Variants in TRIM44 observed in about 807,000 individuals in gnomAD.
The protein encoded by TRIM44 is tripartite motif containing 44, also known as tripartite motif-containing protein 44.
A neutral mutation model predicts 37.4 loss-of-function variants in TRIM44; 13 were observed. The ratio of observed to expected loss-of-function variants is 0.35; its 90% CI spans 0.23 to 0.55. The LOEUF (loss-of-function observed/expected upper bound fraction) is 0.55. Ranked by LOEUF, TRIM44 falls within the 20% of genes least tolerant of loss-of-function variation. The probability of loss-of-function intolerance (pLI) is 0.89; values close to 1 mark genes in which losing one functional copy is unlikely to be tolerated. For synonymous variants in TRIM44, 175 were observed against 157.2 expected (o/e 1.11, Z -0.85); for missense variants, 426 against 437.2 (o/e 0.97, Z 0.23).
intron 2 of TRIM44, among the ~76,000 whole-genome samples, chr11:35,710,457 T>C (rs1001464152): frequency 2.0e-5 from 3 of 152,074 alleles, no homozygotes; most frequent in African/African-American, 7.3e-5. Context: ...GAAAAACAAG[T>C]TTATTAACAT....
chr11:35,723,337 G>T (rs1470938975), intron 2 of TRIM44, among the ~76,000 whole-genome samples: 1 of 152,112 alleles, frequency 6.6e-6, no homozygotes, highest in Non-Finnish European at 1.5e-5. Context: ...AAATTGCAGT[G>T]CTATGTTATA....
chr11:35,792,072 T>TACACAACACAC (rs147613844), intron 4 of TRIM44, among the ~76,000 whole-genome samples: 42 of 136,738 alleles, frequency 3.1e-4, no homozygotes, highest in East Asian at 4.4e-4. Flanking sequence ...GAGTTGCCCC[T>TACACAACACAC]ACACACACAC....
In TRIM44 at chr11:35,667,620, G is replaced by A. The variant is rs116239064; in HGVS notation, c.669+3840G>A. Among the ~76,000 whole-genome samples, 6 of 152,242 alleles carry A rather than the reference G, an allele frequency of 3.9e-5. No homozygotes were observed. The South Asian group carries it at 1.2e-3, about 32-fold the overall frequency. On this transcript the variant is annotated intron_variant, in intron 1 of 4. Transcript: ENST00000299413. ...ACTCCTAGCCTCAAGCAGTCCTCCC[G>A]CCTCAACCTCCTACAGCTGTGGGAT...
At chr11:35,663,911 C>T in intron 1 of TRIM44, 131 bp downstream of exon 1, 1 of 1,082,946 alleles carries the variant, frequency 9.2e-7, no homozygotes, top group Admixed American at 2.6e-5. Flanking sequence ...TTTTTGGGAG[C>T]AGTTCTTATT....
intron 1 of TRIM44, among the ~76,000 whole-genome samples, chr11:35,677,730 T>C (rs1019429331): frequency 2.0e-5 from 3 of 152,226 alleles, no homozygotes; most frequent in Non-Finnish European, 4.4e-5. Flanking sequence ...TGGAGTATTT[T>C]GGCCAGTAGG....
intron 1 of TRIM44, among the ~76,000 whole-genome samples, chr11:35,665,297 A>G (rs1010120504): frequency 4.2e-4 from 64 of 152,154 alleles, no homozygotes; most frequent in Non-Finnish European, 1.2e-4. Context: ...CAGTAATACT[A>G]CATGTTGCCA....
chr11:35,723,133 G>A (rs1344385942), intron 2 of TRIM44, among the ~76,000 whole-genome samples: 6 of 143,208 alleles, frequency 4.2e-5, no homozygotes, highest in South Asian at 2.2e-4. Flanking sequence ...TTCTTGTTTC[G>A]ACAGATTCTC....
At position 35,773,656 on chromosome 11, in the gene TRIM44, G is replaced by A. The variant is rs556834793; in HGVS notation, c.1008-32702G>A. On this transcript the variant is annotated intron_variant, in intron 4 of 4. Coordinates refer to ENST00000299413, the MANE Select transcript of TRIM44 (RefSeq NM_017583.6). ...CCCACAACAGGCCCCGGTGTGTGGT[G>A]TTCCCCACCCTGTGTCCAAGCATTC... is the stretch of plus-strand genomic sequence containing the variant. 3.9e-5 allele frequency among the ~76,000 whole-genome samples: 6 copies of A among 152,098 alleles called. No individual in the cohort carries two copies. In the East Asian group the frequency reaches 7.7e-4, roughly 20 times the overall value.
intron 2 of TRIM44, among the ~76,000 whole-genome samples, chr11:35,702,590 C>T (rs1004507395): frequency 4.6e-5 from 7 of 152,192 alleles, no homozygotes; most frequent in African/African-American, 1.7e-4. Flanking sequence ...AAGTAAGACC[C>T]TCCCTAAGGC....
intron 4 of TRIM44, among the ~76,000 whole-genome samples, chr11:35,791,889 A>C (rs1026832029): frequency 6.6e-6 from 1 of 152,226 alleles, no homozygotes; most frequent in Admixed American, 6.5e-5. Context: ...TTTGGGGCTC[A>C]GTCACTGTGA....
At chr11:35,786,736 A>G (rs1332154039) in intron 4 of TRIM44, among the ~76,000 whole-genome samples, 2 of 152,180 alleles carry the variant, frequency 1.3e-5, no homozygotes, top group Non-Finnish European at 2.9e-5. Flanking sequence ...ATGCATACTC[A>G]TTGAATAAAT....
At chr11:35,681,095 G>A (rs570441009) in intron 1 of TRIM44, among the ~76,000 whole-genome samples, 15 of 152,028 alleles carry the variant, frequency 9.9e-5, no homozygotes, top group African/African-American at 3.1e-4. Context: ...TGTGATTTTG[G>A]GGACATTGTT....
chr11:35,791,883 G>A (rs767282466), intron 4 of TRIM44, among the ~76,000 whole-genome samples: 6 of 152,102 alleles, frequency 3.9e-5, no homozygotes, highest in Non-Finnish European at 7.4e-5. Context: ...CATGTATTTG[G>A]GGCTCAGTCA....
At chr11:35,804,869 G>A (rs1157945796) in intron 4 of TRIM44, among the ~76,000 whole-genome samples, 1 of 152,186 alleles carries the variant, frequency 6.6e-6, no homozygotes, top group African/African-American at 2.4e-5. Context: ...TGCAGGACCT[G>A]TTTCTTGAAA....
chr11:35,685,204 GT>G, intron 1 of TRIM44, 54 bp from the exon 2 acceptor site: 6 of 1,456,362 alleles, frequency 4.1e-6, no homozygotes, highest in South Asian at 2.3e-5. Context: ...TGCTGTTTGT[GT>G]TTGAGAGAGC....
chr11:35,763,190 A>G (rs1056236291), intron 4 of TRIM44, among the ~76,000 whole-genome samples: 1 of 152,150 alleles, frequency 6.6e-6, no homozygotes, highest in African/African-American at 2.4e-5. Context: ...AAACCATGCA[A>G]TCCACCCTAG....
At chr11:35,709,479 T>C (rs140676999) in intron 2 of TRIM44, among the ~76,000 whole-genome samples, 4 of 152,166 alleles carry the variant, frequency 2.6e-5, no homozygotes, top group Non-Finnish European at 1.5e-5. Flanking sequence ...CCCTAAAATA[T>C]TACCATTTGC....
At chr11:35,676,165 C>T (rs1851457465) in intron 1 of TRIM44, among the ~76,000 whole-genome samples, 1 of 152,104 alleles carries the variant, frequency 6.6e-6, no homozygotes, top group Non-Finnish European at 1.5e-5. Flanking sequence ...AATTGTTTCT[C>T]CTTATTGAGT....
intron 1 of TRIM44, among the ~76,000 whole-genome samples, chr11:35,667,878 A>G (rs1057504323): frequency 9.2e-5 from 14 of 152,042 alleles, no homozygotes; most frequent in African/African-American, 3.4e-4. Flanking sequence ...TAATTTATGT[A>G]GTTTTTTTTC....
Sources: gnomAD v4.1 joint callset for allele counts (sites outside exome capture counted in the v4.1 genomes callset) on GRCh38, gnomAD v4.1.1 for gene constraint, MANE v1.5 for transcripts, NCBI Gene and HGNC (gene_info 2026-07-23, HGNC 2026-07-21) for gene names.